TDRKH: variants seen among roughly 807,000 people sequenced by gnomAD.
TDRKH encodes tudor and KH domain-containing protein.
A neutral mutation model predicts 61.3 loss-of-function variants in TDRKH; 28 were observed. The ratio of observed to expected loss-of-function variants is 0.46; its 90% CI spans 0.34 to 0.63. The LOEUF is 0.63. TDRKH is among the 20% of genes least tolerant of loss of function. The probability of loss-of-function intolerance (pLI) is 0.01; values close to 1 mark genes in which losing one functional copy is unlikely to be tolerated. For missense variants in TDRKH, 540 were observed against 683.4 expected (o/e 0.79, Z 2.34); for synonymous variants, 219 against 244.4 (o/e 0.90, Z 0.97).
intron 1 of TDRKH, among the ~76,000 whole-genome samples, chr1:151,788,565 G>T (rs999110098): frequency 9.9e-5 from 15 of 152,200 alleles, no homozygotes; most frequent in African/African-American, 1.4e-4. Context: ...TTTATAACTA[G>T]AAGGGACTAC....
chr1:151,767,292 T>C, downstream of TDRKH: 1 of 1,613,724 alleles, frequency 6.2e-7, no homozygotes. Flanking sequence ...CTTAAAGAAC[T>C]GTATTCGGTA....
intron 4 of TDRKH, among the ~76,000 whole-genome samples, chr1:151,779,555 G>A (rs1028000046): frequency 3.9e-5 from 6 of 152,122 alleles, no homozygotes; most frequent in African/African-American, 1.2e-4. Context: ...TCAGAACACC[G>A]GATCAAGGAC....
chr1:151,768,843 T>C (rs1330855156), downstream of TDRKH, among the ~76,000 whole-genome samples: 5 of 152,170 alleles, frequency 3.3e-5, no homozygotes, highest in Non-Finnish European at 5.9e-5. Context: ...CCCTGGGTAC[T>C]TGAGATTAGG....
At position 151,775,086 on chromosome 1, in the gene TDRKH, G is replaced by A. The variant is rs1040632406; in HGVS notation, c.1515C>T (p.Val505=). ...LPEDIEENRA[V]PDMLKDMATE... ...TCACCATGTCCTTCAACATGTCTGGGACAGCTCTGTTTTCTTCTATGTCTT... is the reference window on the plus strand; with the variant it reads ...TCACCATGTCCTTCAACATGTCTGGAACAGCTCTGTTTTCTTCTATGTCTT... The change falls in exon 11 of 13, where the codon GTC becomes GTT. Residue 505 remains valine, a synonymous_variant. Transcript: ENST00000368824. 4 of 1,613,992 alleles carry A rather than the reference G, an allele frequency of 2.5e-6. No homozygotes were observed. In the African/African-American group the frequency reaches 5.3e-5, roughly 22 times the overall value.
intron 1 of TDRKH, among the ~76,000 whole-genome samples, chr1:151,784,325 T>C (rs747634047): frequency 6.6e-5 from 10 of 152,228 alleles, no homozygotes; most frequent in Non-Finnish European, 1.2e-4. Flanking sequence ...AAACATTCTC[T>C]GTTCTTAAAG....
chr1:151,776,690 A>G, intron 6 of TDRKH, 91 bp from the exon 7 acceptor site: 2 of 1,439,708 alleles, frequency 1.4e-6, no homozygotes, highest in African/African-American at 1.4e-5. Context: ...TACAAATACC[A>G]ATGGCTGTTA....
Position 151,776,501 on chromosome 1 carries a change from A to T in TDRKH, c.982T>A (p.Ser328Thr). 6 of 1,614,160 alleles carry T rather than the reference A, an allele frequency of 3.7e-6. No homozygotes were observed. The highest frequency in any genetic ancestry group is 4.2e-6 in the Non-Finnish European group (5 of 1,180,032). The change falls in exon 7 of 13, where the codon TCC becomes ACC. Residue 328 changes from serine to threonine, a missense_variant. Ser to Thr is a moderately conservative substitution (Grantham distance 58). Around this residue, in one of 3 missense-constraint regions of TDRKH, gnomAD observed 379 missense variants for 443.8 expected, o/e 0.85. Coordinates refer to ENST00000368824, the MANE Select transcript of TDRKH (RefSeq NM_001083965.2). Reference sequence around the variant, plus strand: ...AGCTTATCCAATTGCAGGCTGCGGGAGCCAACGATCTGGATCCAGAAGTGG... The same window carrying T: ...AGCTTATCCAATTGCAGGCTGCGGGTGCCAACGATCTGGATCCAGAAGTGG... ...PNHFWIQIVG[S>T]RSLQLDKLVN... is the part of the protein sequence containing the mutation.
downstream of TDRKH, chr1:151,766,537 G>C (rs966494519): frequency 1.4e-5 from 9 of 622,630 alleles, no homozygotes; most frequent in Admixed American, 2.4e-4. Context: ...CATACTAGTC[G>C]AATATGAGCC....
rs1164193504 is a variant in TDRKH at position 151,779,873 on chromosome 1, A to G, written c.421+78T>C. On this transcript the variant is annotated intron_variant, in intron 4 of 12. Transcript: ENST00000368824. Reference sequence around the variant, plus strand: ...ACATGGTGAAGGGGAACTAGGCCAGAAAAAACCCTGGGAAGGTGTGAAAGA... The same window carrying G: ...ACATGGTGAAGGGGAACTAGGCCAGGAAAAACCCTGGGAAGGTGTGAAAGA... 4.8e-6 allele frequency: 7 copies of G among 1,458,940 alleles called. No individual in the cohort carries two copies. In the East Asian group the frequency reaches 1.4e-4, roughly 29 times the overall value. The allele number at this position is 1,458,940 out of a possible 1,614,324, so 90.4% of individuals were successfully genotyped here.
At chr1:151,771,149 T>C (rs751075928), downstream of TDRKH, 2 of 1,613,744 alleles carry the variant, frequency 1.2e-6, no homozygotes, top group South Asian at 1.1e-5. Flanking sequence ...CTCCCTCCCT[T>C]GGACAATGTC....
At position 151,776,169 on chromosome 1, in the gene TDRKH, C is replaced by T. The variant is rs779627175; in HGVS notation, c.1144G>A (p.Gly382Arg). The T allele has an allele frequency of 6.2e-7, 1 of 1,614,152 alleles. No homozygotes were observed. Among genetic ancestry groups the T allele is most frequent in the Non-Finnish European group, 8.5e-7 (1 of 1,180,028 alleles). ...RARVLGTLEN[G>R]NLDLYFVDFG... ...TCAACAAAATAGAGGTCCAAGTTCCCATTCTCCAAGGTGCCGAGGACCCGG... is the reference window on the plus strand; with the variant it reads ...TCAACAAAATAGAGGTCCAAGTTCCTATTCTCCAAGGTGCCGAGGACCCGG... Residue 382 changes from glycine to arginine, a missense_variant, in exon 8 of 13, where the codon GGG (glycine) becomes AGG (arginine). By Grantham distance (125) the Gly-to-Arg change is moderately radical. This residue lies in a region of TDRKH where 379 missense variants were observed against 443.8 expected (regional missense o/e 0.85). Transcript: ENST00000368824.
rs948047324 is a variant in TDRKH, at chr1:151,782,761, C to A, written c.124+138G>T. On this transcript the variant is annotated intron_variant, in intron 2 of 12. Coordinates refer to ENST00000368824, the MANE Select transcript of TDRKH (RefSeq NM_001083965.2). ...CGCCAGGCTAGGTGACAGAGTGAGA[C>A]CCTGTCTCAAAAAAACCCCACAAAA... is the stretch of plus-strand genomic sequence containing the variant. 7 of 1,167,084 alleles carry A rather than the reference C, an allele frequency of 6.0e-6. No homozygotes were observed. In the Admixed American group the frequency reaches 1.4e-4, roughly 23 times the overall value. The allele number at this position is 1,167,084 out of a possible 1,614,324, so 72.3% of individuals were successfully genotyped here. A position where few individuals can be genotyped will look rare whatever the true frequency, so the allele number is the denominator to read the frequency against.
chr1:151,782,782 C>A (rs887846715), intron 2 of TDRKH, 117 bp downstream of exon 2: 66 of 1,385,824 alleles, frequency 4.8e-5, no homozygotes, highest in Middle Eastern at 1.9e-4. Flanking sequence ...AAAAACCCCA[C>A]AAAAAACCCC....
chr1:151,787,750 C>T lies in TDRKH; in HGVS notation c.-28+2630G>A, dbSNP rs561777406. ...ACTTTGAGAGGCTAAGGTAGGAGGA[C>T]TGCTTGAGACCAAGTATTCAAGACT... On this transcript the variant is annotated intron_variant, in intron 1 of 12. Transcript: ENST00000368824. 9.0e-5 allele frequency among the ~76,000 whole-genome samples: 12 copies of T among 132,956 alleles called. 1 individual carries two copies. The South Asian group carries it at 2.8e-3, about 31-fold the overall frequency. 87.2% of individuals were successfully genotyped at this position (132,956 alleles called of 152,430 possible). A position where few individuals can be genotyped will look rare whatever the true frequency, so the allele number is the denominator to read the frequency against.
chr1:151,771,025 C>T, downstream of TDRKH: 2 of 1,521,558 alleles, frequency 1.3e-6, no homozygotes, highest in Non-Finnish European at 1.8e-6. Context: ...TGGGGGCATA[C>T]ATGTATTGAG....
chr1:151,788,939 G>T (rs952660753), intron 1 of TDRKH, among the ~76,000 whole-genome samples: 2 of 152,208 alleles, frequency 1.3e-5, no homozygotes, highest in African/African-American at 4.8e-5. Flanking sequence ...ATTAACATCT[G>T]TGTCCGTGGT....
At chr1:151,784,411 A>T (rs1473138931) in intron 1 of TDRKH, among the ~76,000 whole-genome samples, 1 of 152,180 alleles carries the variant, frequency 6.6e-6, no homozygotes, top group African/African-American at 2.4e-5. Flanking sequence ...GAGTGTCAAT[A>T]TATCTGTCCT....
At position 151,782,052 on chromosome 1, in the gene TDRKH, G is replaced by A. The variant is rs1042992274; in HGVS notation, c.125-465C>T. 1.3e-4 allele frequency: 58 copies of A among 446,818 alleles called. 1 individual carries two copies. The highest frequency in any genetic ancestry group is 1.1e-3 in the African/African-American group (52 of 49,178). The allele number at this position is 446,818 out of a possible 1,614,324, so 27.7% of individuals were successfully genotyped here. A position where few individuals can be genotyped will look rare whatever the true frequency, so the allele number is the denominator to read the frequency against. ...GAGAAAAGGAATATATAAAAAAGATGAGTATAGAAATTAAAAAAGAACTCT... is the reference window on the plus strand; with the variant it reads ...GAGAAAAGGAATATATAAAAAAGATAAGTATAGAAATTAAAAAAGAACTCT... On this transcript the variant is annotated intron_variant, in intron 2 of 12. Coordinates refer to ENST00000368824, the MANE Select transcript of TDRKH (RefSeq NM_001083965.2).
chr1:151,779,935 A>C lies in TDRKH; in HGVS notation c.421+16T>G. The C allele has an allele frequency of 6.3e-7, 1 of 1,597,812 alleles. No homozygotes were observed. The highest frequency in any genetic ancestry group is 8.6e-7 in the Non-Finnish European group (1 of 1,167,456). The stretch of plus-strand genomic sequence containing the variant: ...AAAGAATAAAGGAAACAATAGAGGA[A>C]GCCATCCAGTGGTACCTATGATTCT... On this transcript the variant is annotated intron_variant, in intron 4 of 12. Transcript: ENST00000368824.
Sources: allele counts gnomAD v4.1 joint callset (sites outside exome capture counted in the v4.1 genomes callset), GRCh38; gene constraint gnomAD v4.1.1; regional missense constraint gnomAD v4.1.1; transcripts MANE v1.5; gene names NCBI Gene and HGNC (gene_info 2026-07-23, HGNC 2026-07-21).